SLC25A30: variants seen among roughly 807,000 people sequenced by gnomAD.
SLC25A30 encodes the protein solute carrier family 25 member 30.
A neutral mutation model predicts 42.7 loss-of-function variants in SLC25A30; 29 were observed. The observed-to-expected ratio is 0.68, with a 90% confidence interval of 0.51 to 0.93. The LOEUF is 0.93. Among genes scored for constraint, SLC25A30 ranks in the 40% least tolerant of loss-of-function variants. The pLI is 0.00. For missense variants in SLC25A30, 300 were observed against 359.7 expected (o/e 0.83, Z 1.34); for synonymous variants, 124 against 131.0 (o/e 0.95, Z 0.37).
At chr13:45,424,628 A>T in the SLC25A30 span, among the ~76,000 whole-genome samples, 3 of 50,978 alleles carry the variant, frequency 5.9e-5, no homozygotes, top group East Asian at 4.5e-4. Context: ...AATATATATA[A>T]ATATGTATAT....
the SLC25A30 span, among the ~76,000 whole-genome samples, chr13:45,424,624 T>TGTAAAC: frequency 2.7e-5 from 2 of 74,276 alleles, no homozygotes; most frequent in South Asian, 4.4e-4. Context: ...TATAAATATA[T>TGTAAAC]ATAAATATGT....
At chr13:45,427,531 T>C in the SLC25A30 span, among the ~76,000 whole-genome samples, 1 of 152,094 alleles carries the variant, frequency 6.6e-6, no homozygotes, top group African/African-American at 2.4e-5. Context: ...TCCTAAATCA[T>C]CCACGTTTCC....
chr13:45,423,596 T>TATAAAAA, the SLC25A30 span, among the ~76,000 whole-genome samples: 35 of 106,704 alleles, frequency 3.3e-4, no homozygotes, highest in African/African-American at 1.2e-3. Flanking sequence ...TATAAATATA[T>TATAAAAA]ATATATATAA....
chr13:45,425,379 A>C, the SLC25A30 span, among the ~76,000 whole-genome samples: 1 of 111,392 alleles, frequency 9.0e-6, no homozygotes, highest in African/African-American at 3.6e-5. Flanking sequence ...AAAATATATA[A>C]GTATATATGA....
intron 3 of SLC25A30, among the ~76,000 whole-genome samples, chr13:45,407,845 A>G (rs1455397283): frequency 6.6e-6 from 1 of 152,184 alleles, no homozygotes; most frequent in Non-Finnish European, 1.5e-5. Context: ...CGCTTCATGT[A>G]TGGAAACCTC....
At chr13:45,409,215 T>G (rs1882790009) in intron 2 of SLC25A30, 141 bp from the exon 3 acceptor site, 1 of 617,704 alleles carries the variant, frequency 1.6e-6, no homozygotes, top group Non-Finnish European at 2.4e-6. Context: ...GCAATCTTGT[T>G]TATATTTTTA....
intron 1 of SLC25A30, among the ~76,000 whole-genome samples, chr13:45,416,823 A>G (rs1251283059): frequency 1.3e-5 from 2 of 152,092 alleles, no homozygotes; most frequent in Non-Finnish European, 2.9e-5. Flanking sequence ...AATTGTCTAT[A>G]CAAATTAAGA....
the SLC25A30 span, among the ~76,000 whole-genome samples, chr13:45,431,218 T>C: frequency 6.9e-6 from 1 of 145,652 alleles, no homozygotes; most frequent in Non-Finnish European, 1.5e-5. Flanking sequence ...CGGCTAATTT[T>C]GTATTTTCAG....
At chr13:45,425,466 A>T in the SLC25A30 span, among the ~76,000 whole-genome samples, 1 of 99,932 alleles carries the variant, frequency 1.0e-5, no homozygotes, top group East Asian at 2.3e-4. Context: ...GTATATATAA[A>T]TATATATAAG....
At chr13:45,423,765 TAA>T in the SLC25A30 span, among the ~76,000 whole-genome samples, 7 of 79,862 alleles carry the variant, frequency 8.8e-5, 1 homozygote, top group African/African-American at 3.4e-4. Flanking sequence ...TATAAATATA[TAA>T]AAATATATAA....
intron 1 of SLC25A30, among the ~76,000 whole-genome samples, chr13:45,413,072 C>T (rs564073162): frequency 6.6e-6 from 1 of 152,300 alleles, no homozygotes; most frequent in East Asian, 1.9e-4. Flanking sequence ...CACTAGGACC[C>T]CCCATCGGGC....
At chr13:45,424,510 T>TATAA in the SLC25A30 span, among the ~76,000 whole-genome samples, 6 of 38,062 alleles carry the variant, frequency 1.6e-4, 1 homozygote, top group African/African-American at 7.7e-4. Context: ...TATAAAAATA[T>TATAA]ATATAAATAT....
At chr13:45,428,548 A>T in the SLC25A30 span, among the ~76,000 whole-genome samples, 1 of 93,694 alleles carries the variant, frequency 1.1e-5, no homozygotes, top group Admixed American at 1.5e-4. Flanking sequence ...TTTGAGACGG[A>T]GTCCAGCTCT....
the SLC25A30 span, among the ~76,000 whole-genome samples, chr13:45,425,585 A>AAT: frequency 9.9e-5 from 7 of 71,048 alleles, 1 homozygote; most frequent in Admixed American, 1.7e-4. Flanking sequence ...TATATATATA[A>AAT]ATATATATAT....
the SLC25A30 span, among the ~76,000 whole-genome samples, chr13:45,432,722 C>A: frequency 8.9e-5 from 13 of 145,674 alleles, no homozygotes; most frequent in East Asian, 4.1e-4. Context: ...AAAAAAAAAA[C>A]AATCAATTCA....
chr13:45,425,681 T>A, the SLC25A30 span, among the ~76,000 whole-genome samples: 2 of 131,508 alleles, frequency 1.5e-5, no homozygotes, highest in South Asian at 4.3e-4. Flanking sequence ...TAAGTATATA[T>A]AAATATATAT....
Position 45,394,439 on chromosome 13 carries a change from G to T in SLC25A30, c.*1535C>A. On this transcript the variant is annotated 3_prime_UTR_variant, in exon 10 of 10. Transcript: ENST00000519676. The stretch of plus-strand genomic sequence containing the variant: ...TCAGTCTCAACAAAGAGACTGGCCA[G>T]ACTGGGAATTTGGCCGCACTACTGT... 1.0e-6 allele frequency: 1 copy of T among 985,400 alleles called. No individual in the cohort carries two copies. The highest frequency in any genetic ancestry group is 5.2e-4 in the Middle Eastern group (1 of 1,914). The allele number at this position is 985,400 out of a possible 1,614,324, so 61.0% of individuals were successfully genotyped here. A position where few individuals can be genotyped will look rare whatever the true frequency, so the allele number is the denominator to read the frequency against.
upstream of SLC25A30, among the ~76,000 whole-genome samples, chr13:45,419,002 G>A (rs1383884248): frequency 2.4e-5 from 3 of 123,496 alleles, no homozygotes; most frequent in African/African-American, 9.4e-5. Flanking sequence ...CTGGTGGCGG[G>A]TGCCTGTAAT....
intron 1 of SLC25A30, among the ~76,000 whole-genome samples, chr13:45,412,587 C>G (rs1354370222): frequency 6.6e-6 from 1 of 152,158 alleles, no homozygotes; most frequent in African/African-American, 2.4e-5. Flanking sequence ...CCATCATCAC[C>G]ACAGCAGGCA....
Sources: allele counts gnomAD v4.1 joint callset (sites outside exome capture counted in the v4.1 genomes callset), GRCh38; gene constraint gnomAD v4.1.1; transcripts MANE v1.5; gene names NCBI Gene and HGNC (gene_info 2026-07-23, HGNC 2026-07-21).